Variants in RNF220 observed in about 807,000 individuals in gnomAD.
RNF220 encodes E3 ubiquitin-protein ligase RNF220.
RNF220 carries 7 observed loss-of-function variants against 67.1 expected under a neutral mutation model. The observed-to-expected ratio is 0.10, with a 90% confidence interval of 0.06 to 0.20. The LOEUF is 0.20. RNF220 is among the 10% of genes least tolerant of loss of function. The probability of loss-of-function intolerance (pLI) is 1.00; values close to 1 mark genes in which losing one functional copy is unlikely to be tolerated. For synonymous variants in RNF220, 270 were observed against 283.2 expected (o/e 0.95, Z 0.47); for missense variants, 565 against 740.3 (o/e 0.76, Z 2.75).
At chr1:44,461,650 A>G (rs1458868976) in intron 2 of RNF220, among the ~76,000 whole-genome samples, 1 of 152,216 alleles carries the variant, frequency 6.6e-6, no homozygotes, top group Non-Finnish European at 1.5e-5. Context: ...GCTACTGCCT[A>G]CTATGCTAAT....
chr1:44,431,500 CAA>C (rs34244024), intron 2 of RNF220, among the ~76,000 whole-genome samples: 4,213 of 90,408 alleles, frequency 0.047, 68 homozygotes, highest in Middle Eastern at 0.15. Flanking sequence ...GACTTCATCT[CAA>C]AAAAAAAAAA....
chr1:44,410,815 A>G (rs1232900622), intron 1 of RNF220: 2 of 152,128 alleles, frequency 1.3e-5, no homozygotes, highest in Non-Finnish European at 2.9e-5. Flanking sequence ...TTTCGTGTAT[A>G]TTTTTGACAC....
At chr1:44,577,345 A>G (rs575603141) in intron 2 of RNF220, among the ~76,000 whole-genome samples, 122 of 145,356 alleles carry the variant, frequency 8.4e-4, no homozygotes, top group African/African-American at 3.2e-3. Flanking sequence ...CCCTCTCCCC[A>G]CTGCCACCTC....
At chr1:44,405,896 T>C (rs1311361657) in intron 1 of RNF220, among the ~76,000 whole-genome samples, 1 of 152,184 alleles carries the variant, frequency 6.6e-6, no homozygotes, top group Non-Finnish European at 1.5e-5. Context: ...CAGGACTTCT[T>C]TTCTCCGTCT....
At chr1:44,617,255 G>A (rs111830796) in intron 3 of RNF220, among the ~76,000 whole-genome samples, 36 of 152,254 alleles carry the variant, frequency 2.4e-4, no homozygotes, top group African/African-American at 8.2e-4. Flanking sequence ...GGTTTTATCT[G>A]TCTCGGCCCC....
At chr1:44,511,142 A>G (rs1003157282) in intron 2 of RNF220, among the ~76,000 whole-genome samples, 1 of 152,232 alleles carries the variant, frequency 6.6e-6, no homozygotes, top group Non-Finnish European at 1.5e-5. Context: ...AGAGAAGGCT[A>G]GAGGGAGAAC....
intron 2 of RNF220, among the ~76,000 whole-genome samples, chr1:44,576,401 G>A (rs1409684934): frequency 6.6e-6 from 1 of 152,166 alleles, no homozygotes; most frequent in African/African-American, 2.4e-5. Context: ...GGGCTCCTAA[G>A]GGCAGAAGTT....
intron 2 of RNF220, among the ~76,000 whole-genome samples, chr1:44,479,259 G>A (rs1166129408): frequency 6.6e-6 from 1 of 151,942 alleles, no homozygotes; most frequent in East Asian, 1.9e-4. Flanking sequence ...GGGACTACAG[G>A]CGCCTGCCAC....
intron 2 of RNF220, among the ~76,000 whole-genome samples, chr1:44,524,562 G>A (rs1660211738): frequency 6.6e-6 from 1 of 152,094 alleles, no homozygotes; most frequent in Admixed American, 6.5e-5. Context: ...CCTCAAACAC[G>A]AATGCAGGCT....
intron 5 of RNF220, among the ~76,000 whole-genome samples, chr1:44,629,933 G>C (rs959281407): frequency 1.3e-5 from 2 of 152,218 alleles, no homozygotes; most frequent in Non-Finnish European, 2.9e-5. Flanking sequence ...TTAGAAAGTA[G>C]AATGCAAGGA....
intron 8 of RNF220, chr1:44,644,489 C>G (rs1371714906): frequency 1.8e-6 from 1 of 556,418 alleles, no homozygotes; most frequent in Non-Finnish European, 3.2e-6. Flanking sequence ...GAGCAGCATG[C>G]AGTAGCAGAG....
Position 44,645,528 on chromosome 1 carries a change from C to G in RNF220, c.1445+40C>G. The G allele has an allele frequency of 6.3e-7, 1 of 1,596,912 alleles. No homozygotes were observed. The highest frequency in any genetic ancestry group is 8.6e-7 in the Non-Finnish European group (1 of 1,166,986). On this transcript the variant is annotated intron_variant, in intron 12 of 14. Coordinates refer to ENST00000361799, the MANE Select transcript of RNF220 (RefSeq NM_018150.4). This position sits in a 1 kb window ranked among gnomAD's most constrained non-coding sequence, Gnocchi z 5.0. ...AGGAGAGAGCCCTGGGACCACAGTTCAGTGGGAGGAGGGGCCCTTTGCTAG... is the reference window on the plus strand; with the variant it reads ...AGGAGAGAGCCCTGGGACCACAGTTGAGTGGGAGGAGGGGCCCTTTGCTAG...
rs1643837499 is a variant in RNF220, at chr1:44,622,426, C to T, written c.759-316C>T. Among the ~76,000 whole-genome samples, 1 of 152,202 alleles carries T rather than the reference C, an allele frequency of 6.6e-6. No individual in the cohort carries two copies. Among genetic ancestry groups the T allele is most frequent in the Admixed American group, 6.5e-5 (1 of 15,284 alleles). On this transcript the variant is annotated intron_variant, in intron 3 of 14. Transcript: ENST00000361799. This position sits in a 1 kb window ranked among gnomAD's most constrained non-coding sequence, Gnocchi z 4.3. Reference sequence around the variant, plus strand: ...GAGAGAAGGGGGTCTCCAGGACAGGCAGAATCTTCAGGGCTGATACGAGGA... The same window carrying T: ...GAGAGAAGGGGGTCTCCAGGACAGGTAGAATCTTCAGGGCTGATACGAGGA...
intron 2 of RNF220, among the ~76,000 whole-genome samples, chr1:44,597,447 C>T (rs1157276931): frequency 6.3e-5 from 9 of 143,206 alleles, no homozygotes; most frequent in Non-Finnish European, 1.4e-4. Context: ...ACATACACGC[C>T]CTTCTCTCTC....
intron 2 of RNF220, among the ~76,000 whole-genome samples, chr1:44,492,954 CATT>C (rs746633648): frequency 3.3e-5 from 5 of 151,162 alleles, no homozygotes; most frequent in Non-Finnish European, 5.9e-5. Context: ...GATGAGGTCT[CATT>C]ATGTTGCTCA....
chr1:44,641,694 G>T (rs746645489), intron 8 of RNF220, among the ~76,000 whole-genome samples: 2 of 151,648 alleles, frequency 1.3e-5, no homozygotes, highest in Non-Finnish European at 2.9e-5. Flanking sequence ...AAAGTTTAAT[G>T]TGCTGGGAAA....
intron 2 of RNF220, among the ~76,000 whole-genome samples, chr1:44,583,572 T>C (rs1031359449): frequency 1.3e-4 from 20 of 152,216 alleles, no homozygotes; most frequent in Non-Finnish European, 2.5e-4. Flanking sequence ...ATTTAGAAAA[T>C]GTGGTCATTA....
chr1:44,451,882 G>A (rs1377079934), intron 2 of RNF220, among the ~76,000 whole-genome samples: 3 of 152,172 alleles, frequency 2.0e-5, no homozygotes, highest in Non-Finnish European at 4.4e-5. Flanking sequence ...GCCTCCCAAA[G>A]TGCTGGGATT....
In RNF220 at chr1:44,649,823, G is replaced by A; in HGVS notation, c.1554+54G>A. The stretch of plus-strand genomic sequence containing the variant: ...TTGGTCAGGCTTCCACGCCCTCTGG[G>A]GGAGTTGGAGAGGGTGGGCCTACCT... On this transcript the variant is annotated intron_variant, in intron 13 of 14. Transcript: ENST00000361799. This position sits in a 1 kb window ranked among gnomAD's most constrained non-coding sequence, Gnocchi z 5.9. 1.2e-6 allele frequency: 2 copies of A among 1,613,288 alleles called. No individual in the cohort carries two copies. The highest frequency in any genetic ancestry group is 1.1e-5 in the South Asian group (1 of 91,078).
Sources: gnomAD v4.1 joint callset for allele counts (sites outside exome capture counted in the v4.1 genomes callset) on GRCh38, gnomAD v4.1.1 for gene constraint, Gnocchi (gnomAD v3.1) non-coding constraint, MANE v1.5 for transcripts, NCBI Gene and HGNC (gene_info 2026-07-23, HGNC 2026-07-21) for gene names.